GPR137C: variants seen among roughly 807,000 people sequenced by gnomAD.
The protein encoded by GPR137C is integral membrane protein GPR137C.
Under a neutral mutation model 43.4 loss-of-function variants are expected in GPR137C, and 27 were observed. That is an observed-to-expected ratio of 0.62 (90% confidence interval 0.46 to 0.86). The LOEUF is 0.86. Ranked by LOEUF, GPR137C falls within the 40% of genes least tolerant of loss-of-function variation. The pLI is 0.00. For synonymous variants in GPR137C, 285 were observed against 226.9 expected (o/e 1.26, Z -2.30); for missense variants, 522 against 534.6 (o/e 0.98, Z 0.23).
chr14:52,578,980 T>C (rs1054707220), intron 1 of GPR137C, among the ~76,000 whole-genome samples: 2 of 151,916 alleles, frequency 1.3e-5, no homozygotes, highest in African/African-American at 4.8e-5. Flanking sequence ...TCTGAGCTTA[T>C]GGGTGAGATA....
At chr14:52,590,527 C>G (rs1422419883) in intron 1 of GPR137C, among the ~76,000 whole-genome samples, 1 of 152,190 alleles carries the variant, frequency 6.6e-6, no homozygotes, top group East Asian at 1.9e-4. Flanking sequence ...CACTGACTCA[C>G]CCAGAGCAAC....
intron 1 of GPR137C, 84 bp from the exon 2 acceptor site, chr14:52,598,188 G>A: frequency 1.9e-6 from 1 of 514,084 alleles, no homozygotes; most frequent in Non-Finnish European, 3.5e-6. Flanking sequence ...TATAGTGGTA[G>A]CACTTTAAAA....
chr14:52,590,084 T>G (rs1334024234), intron 1 of GPR137C, among the ~76,000 whole-genome samples: 1 of 152,146 alleles, frequency 6.6e-6, no homozygotes, highest in Non-Finnish European at 1.5e-5. Context: ...GCTCCGTGCA[T>G]GTTATTGCAT....
Position 52,635,211 on chromosome 14 carries a change from G to A in GPR137C, c.*96G>A. On this transcript the variant is annotated 3_prime_UTR_variant, in exon 7 of 7. Transcript: ENST00000321662. ...CTACATAAACATTCCATTATCTGTT[G>A]CAACTGAAAACAAAATCTGGAAGTG... 3 of 1,055,748 alleles carry A rather than the reference G, an allele frequency of 2.8e-6. No homozygotes were observed. Among genetic ancestry groups the A allele is most frequent in the Non-Finnish European group, 2.6e-6 (2 of 763,616 alleles). The allele number at this position is 1,055,748 out of a possible 1,614,324, so 65.4% of individuals were successfully genotyped here.
intron 3 of GPR137C, among the ~76,000 whole-genome samples, chr14:52,630,412 CT>C (rs1307649560): frequency 1.3e-5 from 2 of 152,028 alleles, no homozygotes; most frequent in Non-Finnish European, 2.9e-5. Context: ...TAATACATTA[CT>C]TCTAAAATTG....
At chr14:52,622,456 G>A (rs990393550) in intron 3 of GPR137C, among the ~76,000 whole-genome samples, 4 of 151,994 alleles carry the variant, frequency 2.6e-5, no homozygotes, top group Non-Finnish European at 4.4e-5. Context: ...GTTTTAAGAA[G>A]CTGTTAATCT....
chr14:52,595,013 G>T (rs935542550), intron 1 of GPR137C, among the ~76,000 whole-genome samples: 22 of 152,124 alleles, frequency 1.4e-4, no homozygotes, highest in Admixed American at 1.4e-3. Context: ...GGCAGGCCTG[G>T]TGGAGACAAA....
chr14:52,626,251 C>G (rs1009031449), intron 3 of GPR137C, among the ~76,000 whole-genome samples: 4 of 152,104 alleles, frequency 2.6e-5, no homozygotes, highest in Non-Finnish European at 5.9e-5. Flanking sequence ...TACATTAACA[C>G]TTACAGACTA....
chr14:52,556,176 A>G (rs2038189711), intron 1 of GPR137C, among the ~76,000 whole-genome samples: 1 of 152,130 alleles, frequency 6.6e-6, no homozygotes, highest in South Asian at 2.1e-4. Flanking sequence ...TCTTTGCTGT[A>G]TGCCGTATTA....
At chr14:52,603,029 ACT>A (rs1455968911) in intron 3 of GPR137C, among the ~76,000 whole-genome samples, 1 of 152,182 alleles carries the variant, frequency 6.6e-6, no homozygotes, top group African/African-American at 2.4e-5. Context: ...TCCATAATGT[ACT>A]ATCAAATACT....
intron 1 of GPR137C, among the ~76,000 whole-genome samples, chr14:52,593,851 G>A (rs1322302568): frequency 2.0e-5 from 3 of 152,052 alleles, no homozygotes; most frequent in Non-Finnish European, 4.4e-5. Context: ...TCTGATCTTT[G>A]TTGTTTCTTG....
chr14:52,600,206 A>T lies in GPR137C; in HGVS notation c.582A>T (p.Glu194Asp). Residue 194 changes from glutamate (E) to aspartate (D), a missense_variant, in exon 3 of 7, where the codon GAA (glutamate) becomes GAT (aspartate). Glu to Asp is a conservative substitution (Grantham distance 45, BLOSUM62 2). Around this residue, in one of 3 missense-constraint regions of GPR137C, gnomAD observed 437 missense variants for 425.7 expected, o/e 1.03. Transcript: ENST00000321662. ...CAMLVHGDVP[E>D]NQLKWTVFVR... ...TGCTAGTTCATGGAGATGTCCCAGA[A>T]AATCAGTTGAAGTGGACTGTGTTTG... is the stretch of plus-strand genomic sequence containing the variant. 6.2e-7 allele frequency: 1 copy of T among 1,613,894 alleles called. No individual in the cohort carries two copies. Among genetic ancestry groups the T allele is most frequent in the Non-Finnish European group, 8.5e-7 (1 of 1,179,788 alleles).
intron 1 of GPR137C, 48 bp downstream of exon 1, chr14:52,553,639 C>T (rs1447994680): frequency 7.1e-7 from 1 of 1,406,366 alleles, no homozygotes; most frequent in Non-Finnish European, 9.5e-7. Flanking sequence ...TGCGCGGGGC[C>T]GCCGGGATCA....
intron 3 of GPR137C, among the ~76,000 whole-genome samples, chr14:52,607,501 T>C (rs543626753): frequency 1.3e-5 from 2 of 152,362 alleles, no homozygotes; most frequent in Admixed American, 6.5e-5. Context: ...TATATATTTA[T>C]TGTTGTCATG....
chr14:52,605,546 C>G (rs2038974636), intron 3 of GPR137C, among the ~76,000 whole-genome samples: 1 of 152,100 alleles, frequency 6.6e-6, no homozygotes, highest in African/African-American at 2.4e-5. Flanking sequence ...ATTTCTTTCT[C>G]TTGCCTAATT....
Position 52,553,343 on chromosome 14 carries a change from C to T in GPR137C, c.196C>T (p.Leu66=), listed in dbSNP as rs769691937. The T allele has an allele frequency of 2.5e-6, 4 of 1,602,406 alleles. No homozygotes were observed. The highest frequency in any genetic ancestry group is 2.2e-5 in the South Asian group (2 of 90,388). The change falls in exon 1 of 7, where the codon CTG becomes TTG. Residue 66 remains leucine, a synonymous_variant. Coordinates refer to ENST00000321662, the MANE Select transcript of GPR137C (RefSeq NM_001099652.2). ...CGCCGCGCTGTTCGCCTTTGCCTAC[C>T]TGCAGCTGTGGCGGCTGCTCCTGTA... ...LYAALFAFAY[L]QLWRLLLYRE... is the part of the protein sequence containing the mutation.
intron 1 of GPR137C, among the ~76,000 whole-genome samples, chr14:52,584,354 G>T (rs1007352123): frequency 2.0e-5 from 3 of 152,140 alleles, no homozygotes; most frequent in African/African-American, 4.8e-5. Flanking sequence ...AATTCTAAAG[G>T]TTGCATAGTT....
chr14:52,609,520 C>T (rs1214387772), intron 3 of GPR137C, among the ~76,000 whole-genome samples: 2 of 152,184 alleles, frequency 1.3e-5, no homozygotes, highest in South Asian at 2.1e-4. Context: ...TTAGTTTTCA[C>T]AGTCTGGCTT....
At chr14:52,612,984 C>G (rs1031411682) in intron 3 of GPR137C, 1 of 151,944 alleles carries the variant, frequency 6.6e-6, no homozygotes, top group African/African-American at 2.4e-5. Flanking sequence ...TGGCTCACGC[C>G]TGTTGTAATC....
Sources: allele counts gnomAD v4.1 joint callset (sites outside exome capture counted in the v4.1 genomes callset), GRCh38; gene constraint gnomAD v4.1.1; regional missense constraint gnomAD v4.1.1; transcripts MANE v1.5; gene names NCBI Gene and HGNC (gene_info 2026-07-23, HGNC 2026-07-21).